Variants in ERC2 observed in about 807,000 individuals in gnomAD.
The protein encoded by ERC2 is ELKS/RAB6-interacting/CAST family member 2.
ERC2 carries 42 observed loss-of-function variants against 114.8 expected under a neutral mutation model. The ratio of observed to expected loss-of-function variants is 0.37; its 90% CI spans 0.29 to 0.47. The LOEUF is 0.47. Ranked by LOEUF, ERC2 falls within the 20% of genes least tolerant of loss-of-function variation. ERC2 has a pLI of 0.99. For missense variants in ERC2, 939 were observed against 1,150.7 expected (o/e 0.82, Z 2.66); for synonymous variants, 454 against 425.5 (o/e 1.07, Z -0.82).
chr3:56,250,152 G>A (rs368683766), intron 3 of ERC2, among the ~76,000 whole-genome samples: 9 of 152,240 alleles, frequency 5.9e-5, no homozygotes, highest in African/African-American at 1.2e-4. Flanking sequence ...CACCACGCCC[G>A]GCCATCAAAT....
At chr3:55,973,783 T>A (rs1351595741) in intron 12 of ERC2, among the ~76,000 whole-genome samples, 4 of 152,172 alleles carry the variant, frequency 2.6e-5, no homozygotes, top group Non-Finnish European at 5.9e-5. Flanking sequence ...CTTAGAATTA[T>A]TTTTCCCCCA....
chr3:55,704,017 T>A (rs1162934473), intron 15 of ERC2, among the ~76,000 whole-genome samples: 1 of 152,160 alleles, frequency 6.6e-6, no homozygotes, highest in Non-Finnish European at 1.5e-5. Flanking sequence ...TTTCTTACTA[T>A]CCCCTAGCGT....
intron 1 of ERC2, among the ~76,000 whole-genome samples, chr3:56,458,942 G>A (rs990147204): frequency 2.6e-5 from 4 of 152,134 alleles, no homozygotes; most frequent in South Asian, 2.1e-4. Flanking sequence ...CTGACAAAAC[G>A]GAGCATGGCT....
chr3:55,690,414 A>T (rs6805592), intron 16 of ERC2, among the ~76,000 whole-genome samples: 9 of 152,002 alleles, frequency 5.9e-5, no homozygotes, highest in Non-Finnish European at 8.8e-5. Flanking sequence ...CCCCCTCTCA[A>T]TGGGGGAGCT....
Position 56,148,649 on chromosome 3 carries a change from CA to C in ERC2, c.1305+327del, listed in dbSNP as rs200222113. Among the ~76,000 whole-genome samples the C allele has an allele frequency of 4.9e-3, 737 of 151,536 alleles. 8 individuals are homozygous for C. Among genetic ancestry groups the C allele is most frequent in the African/African-American group, 0.017 (713 of 41,364 alleles). ...AGAAATTTGACAACGATAGCAACTT[CA>C]AAAAAAATAGCAAACTTACATGATG... On this transcript the variant is annotated intron_variant, in intron 5 of 17. Coordinates refer to ENST00000288221, the MANE Select transcript of ERC2 (RefSeq NM_015576.3).
chr3:55,808,918 A>T (rs1211624611), intron 14 of ERC2, among the ~76,000 whole-genome samples: 1 of 151,276 alleles, frequency 6.6e-6, no homozygotes, highest in Non-Finnish European at 1.5e-5. Flanking sequence ...GGAGTTAATA[A>T]AACCTCCAGA....
chr3:55,964,925 G>A (rs1423746563), intron 12 of ERC2, among the ~76,000 whole-genome samples: 4 of 152,216 alleles, frequency 2.6e-5, no homozygotes, highest in Admixed American at 2.0e-4. Flanking sequence ...TCCTTGCCAT[G>A]TGGCCTTCTA....
At chr3:55,838,971 A>C (rs1415055937) in intron 14 of ERC2, among the ~76,000 whole-genome samples, 2 of 151,936 alleles carry the variant, frequency 1.3e-5, no homozygotes, top group African/African-American at 4.8e-5. Flanking sequence ...AGAAATTATA[A>C]ACCCACAGAT....
chr3:55,973,420 G>T (rs1405460948), intron 12 of ERC2, among the ~76,000 whole-genome samples: 5 of 152,270 alleles, frequency 3.3e-5, no homozygotes, highest in South Asian at 4.2e-4. Context: ...GTCCTATTTT[G>T]GTTGCATGGG....
At chr3:56,037,164 A>T (rs996626740) in intron 7 of ERC2, among the ~76,000 whole-genome samples, 1 of 152,222 alleles carries the variant, frequency 6.6e-6, no homozygotes, top group South Asian at 2.1e-4. Context: ...ATTGCAATAC[A>T]TCTCCAGCAA....
At chr3:55,832,633 A>G (rs2060657307) in intron 14 of ERC2, among the ~76,000 whole-genome samples, 1 of 152,194 alleles carries the variant, frequency 6.6e-6, no homozygotes, top group Non-Finnish European at 1.5e-5. Context: ...AAGACCAAAA[A>G]TAGATAAAAC....
intron 2 of ERC2, among the ~76,000 whole-genome samples, chr3:56,323,455 C>T (rs753606692): frequency 5.3e-5 from 8 of 152,152 alleles, no homozygotes; most frequent in Admixed American, 1.3e-4. Context: ...TGACAGAGGC[C>T]GTCTTAAACC....
At chr3:55,675,268 A>G (rs1553624676) in intron 17 of ERC2, among the ~76,000 whole-genome samples, 1 of 152,206 alleles carries the variant, frequency 6.6e-6, no homozygotes, top group African/African-American at 2.4e-5. Flanking sequence ...AAACATGTTC[A>G]TGGGGAAGCC....
intron 3 of ERC2, among the ~76,000 whole-genome samples, chr3:56,200,755 C>T (rs991334): frequency 0.43 from 65,599 of 152,082 alleles, 14,632 homozygotes; most frequent in Middle Eastern, 0.54. Flanking sequence ...GGAACCAGGT[C>T]GTACCAGCTC....
At chr3:55,720,465 T>C (rs114898306) in intron 15 of ERC2, among the ~76,000 whole-genome samples, 4,909 of 151,082 alleles carry the variant, frequency 0.032, 260 homozygotes, top group African/African-American at 0.11. Context: ...TTTGAGTTTT[T>C]GTGGAAATGA....
intron 13 of ERC2, among the ~76,000 whole-genome samples, chr3:55,948,063 T>G (rs562269402): frequency 6.6e-6 from 1 of 152,350 alleles, no homozygotes; most frequent in East Asian, 1.9e-4. Context: ...TCTATTGCCT[T>G]TTGTGTTCTG....
At chr3:55,894,811 A>G (rs1196314290) in intron 13 of ERC2, among the ~76,000 whole-genome samples, 1 of 152,234 alleles carries the variant, frequency 6.6e-6, no homozygotes, top group Non-Finnish European at 1.5e-5. Context: ...GGTTTTTATG[A>G]TGATTAAATG....
intron 17 of ERC2, among the ~76,000 whole-genome samples, chr3:55,651,641 G>A (rs937611813): frequency 1.3e-5 from 2 of 152,124 alleles, no homozygotes; most frequent in Non-Finnish European, 2.9e-5. Context: ...TTGAATATGT[G>A]GCTCAGTCTT....
At chr3:56,199,234 T>C (rs2048277638) in intron 3 of ERC2, among the ~76,000 whole-genome samples, 2 of 152,050 alleles carry the variant, frequency 1.3e-5, no homozygotes, top group South Asian at 2.1e-4. Context: ...CTACTGAGAA[T>C]ACAAGATTAG....
Sources: allele counts gnomAD v4.1 joint callset (sites outside exome capture counted in the v4.1 genomes callset), GRCh38; gene constraint gnomAD v4.1.1; transcripts MANE v1.5; gene names NCBI Gene and HGNC (gene_info 2026-07-23, HGNC 2026-07-21).